NTM: variants seen among roughly 807,000 people sequenced by gnomAD.
The protein encoded by NTM is neurotrimin.
In NTM, 13 loss-of-function variants were observed where a neutral mutation model predicts 42.1. The observed-to-expected ratio is 0.31, with a 90% CI of 0.20 to 0.49. NTM has a LOEUF of 0.49. Among genes scored for constraint, NTM ranks in the 20% least tolerant of loss-of-function variants. The probability of loss-of-function intolerance (pLI) is 0.99; values close to 1 mark genes in which losing one functional copy is unlikely to be tolerated. For missense variants in NTM, 373 were observed against 452.8 expected, an observed-to-expected ratio of 0.82 and a Z score of 1.60; for synonymous variants, 187 against 179.2, an observed-to-expected ratio of 1.04 and a Z score of -0.35.
At chr11:132,025,782 C>T (rs1043556241) in intron 2 of NTM, among the ~76,000 whole-genome samples, 6 of 152,164 alleles carry the variant, frequency 3.9e-5, no homozygotes, top group African/African-American at 1.4e-4. Flanking sequence ...TCCTGAAGTT[C>T]TCTGTGAAAA....
At chr11:132,315,793 TTATC>T (rs1234081048) in intron 7 of NTM, among the ~76,000 whole-genome samples, 14 of 152,216 alleles carry the variant, frequency 9.2e-5, no homozygotes, top group African/African-American at 3.4e-4. Flanking sequence ...AATCCCAGCT[TTATC>T]TGAGAGAGCT....
At chr11:132,085,193 C>A (rs948761611) in intron 2 of NTM, among the ~76,000 whole-genome samples, 1 of 152,176 alleles carries the variant, frequency 6.6e-6, no homozygotes, top group Non-Finnish European at 1.5e-5. Context: ...TTCTTATAAT[C>A]TTTTACTAAA....
chr11:131,446,912 G>A (rs115078460), intron 1 of NTM, among the ~76,000 whole-genome samples: 5 of 152,204 alleles, frequency 3.3e-5, no homozygotes, highest in Non-Finnish European at 5.9e-5. Context: ...CCTTCACAGC[G>A]ATCAGAGGAG....
intron 1 of NTM, among the ~76,000 whole-genome samples, chr11:131,787,779 G>C (rs559038803): frequency 6.6e-6 from 1 of 152,308 alleles, no homozygotes; most frequent in East Asian, 1.9e-4. Flanking sequence ...TTGAACCTCA[G>C]CTGTGAACCC....
intron 1 of NTM, among the ~76,000 whole-genome samples, chr11:131,456,450 T>A (rs558830285): frequency 6.6e-6 from 1 of 152,064 alleles, no homozygotes; most frequent in Non-Finnish European, 1.5e-5. Flanking sequence ...GGGACTGCCC[T>A]CCCTCCTTCG....
intron 2 of NTM, among the ~76,000 whole-genome samples, chr11:132,096,072 G>T (rs1262405250): frequency 2.6e-5 from 4 of 152,198 alleles, no homozygotes; most frequent in African/African-American, 9.7e-5. Context: ...ACAGAGTGCA[G>T]TCAAGCCTCA....
In NTM at chr11:131,910,521, C is replaced by A. The variant is rs557669593; in HGVS notation, c.83-1043C>A. On this transcript the variant is annotated intron_variant, in intron 1 of 8. Coordinates refer to ENST00000683400, the MANE Select transcript of NTM (RefSeq NM_001352005.2). ...GAGAGCGCAGTCCGCGCCGCCAGCC[C>A]GCCCGCTCGCTCCGAGGCGGCACCG... is the stretch of plus-strand genomic sequence containing the variant. Among the ~76,000 whole-genome samples, 330 of 151,486 alleles carry A rather than the reference C, an allele frequency of 2.2e-3. 2 individuals are homozygous for A. The highest frequency in any genetic ancestry group is 7.5e-3 in the African/African-American group (312 of 41,488).
Position 131,457,723 on chromosome 11 carries a change from C to G in NTM, c.82+86835C>G, listed in dbSNP as rs562321098. Among the ~76,000 whole-genome samples, 7 of 151,878 alleles carry G rather than the reference C, an allele frequency of 4.6e-5. No individual in the cohort carries two copies. The South Asian group carries it at 1.5e-3, about 32-fold the overall frequency. ...CAATGCACTAAATGTTTTTGTCCTC[C>G]CCCCCCAAATTTATGTGTTAAAATT... On this transcript the variant is annotated intron_variant, in intron 1 of 8. Transcript: ENST00000683400.
At chr11:131,441,992 A>G (rs1404248139) in intron 1 of NTM, among the ~76,000 whole-genome samples, 1 of 152,198 alleles carries the variant, frequency 6.6e-6, no homozygotes, top group Non-Finnish European at 1.5e-5. Context: ...TATTTAGGTG[A>G]TTGATTAGAT....
intron 1 of NTM, among the ~76,000 whole-genome samples, chr11:131,810,504 G>A (rs1344804716): frequency 6.6e-6 from 1 of 152,172 alleles, no homozygotes; most frequent in African/African-American, 2.4e-5. Flanking sequence ...AGGGAGACTC[G>A]AGCAGCCAGA....
At chr11:131,671,451 G>T (rs2070214521) in intron 1 of NTM, 2 of 985,460 alleles carry the variant, frequency 2.0e-6, no homozygotes, top group Non-Finnish European at 2.4e-6. Context: ...GGCCTTGTCA[G>T]CTCTGGGCTT....
chr11:131,969,664 C>T (rs1057445031), intron 2 of NTM, among the ~76,000 whole-genome samples: 1 of 152,168 alleles, frequency 6.6e-6, no homozygotes, highest in South Asian at 2.1e-4. Context: ...AGATCTATCT[C>T]TTTGAAGTTC....
At position 131,370,860 on chromosome 11, in the gene NTM, G is replaced by C. The variant is rs903398053; in HGVS notation, c.54G>C (p.Thr18=). The part of the protein sequence containing the change: ...MHNSISWAIF[T]GLAALCLFQG... ...ATTCTATCTCTTGGGCAATCTTCACGGGGCTGGCTGCTCTGTGTCTCTTCC... is the reference window on the plus strand; with the variant it reads ...ATTCTATCTCTTGGGCAATCTTCACCGGGCTGGCTGCTCTGTGTCTCTTCC... Residue 18 remains threonine, a synonymous_variant, in exon 1 of 9, where the codon ACG becomes ACC. Coordinates refer to ENST00000683400, the MANE Select transcript of NTM (RefSeq NM_001352005.2). 3.7e-6 allele frequency: 6 copies of C among 1,613,994 alleles called. No homozygotes were observed. In the East Asian group the frequency reaches 6.7e-5, roughly 18 times the overall value.
chr11:131,422,211 G>GAACAT (rs1240546661), intron 1 of NTM, among the ~76,000 whole-genome samples: 1 of 31,728 alleles, frequency 3.2e-5, no homozygotes, highest in Non-Finnish European at 1.0e-4. Flanking sequence ...TCTGAGAACA[G>GAACAT]TCACATTTGA....
At chr11:131,498,775 G>A (rs1955619229) in intron 1 of NTM, among the ~76,000 whole-genome samples, 1 of 152,202 alleles carries the variant, frequency 6.6e-6, no homozygotes, top group Non-Finnish European at 1.5e-5. Context: ...AAGCTGCCAG[G>A]AGGGGGTGGC....
intron 1 of NTM, among the ~76,000 whole-genome samples, chr11:131,564,192 C>T (rs1320433315): frequency 1.3e-5 from 2 of 152,252 alleles, no homozygotes; most frequent in Non-Finnish European, 2.9e-5. Flanking sequence ...ACTGACTAAC[C>T]ATGAGGTCCT....
At chr11:131,374,593 C>T (rs758077027) in intron 1 of NTM, among the ~76,000 whole-genome samples, 9 of 152,144 alleles carry the variant, frequency 5.9e-5, no homozygotes, top group Non-Finnish European at 1.3e-4. Flanking sequence ...TCAGGTGTGT[C>T]TCTTGGTTCC....
At chr11:131,619,466 A>G (rs2062296762) in intron 1 of NTM, among the ~76,000 whole-genome samples, 1 of 152,224 alleles carries the variant, frequency 6.6e-6, no homozygotes, top group Non-Finnish European at 1.5e-5. Flanking sequence ...CTTTTGCAGT[A>G]GCTGAAGGTC....
Position 131,789,547 on chromosome 11 carries a change from AAAGAAGAAGAAG to A in NTM, c.83-121939_83-121928del, listed in dbSNP as rs71067336. On this transcript the variant is annotated intron_variant, in intron 1 of 8. Coordinates refer to ENST00000683400, the MANE Select transcript of NTM (RefSeq NM_001352005.2). ...AAGAAGAAGAAGAAGAAGAAGAAGA[AAAGAAGAAGAAG>A]AAGAAGAAGAAGAAGAAGAAGAAGA... Among the ~76,000 whole-genome samples the A allele has an allele frequency of 5.5e-3, 28 of 5,114 alleles. 1 individual carries two copies. Among genetic ancestry groups the A allele is most frequent in the Admixed American group, 8.7e-3 (3 of 344 alleles). The allele number at this position is 5,114 out of a possible 152,430, so 3.4% of individuals were successfully genotyped here.
Sources: gnomAD v4.1 joint callset for allele counts (sites outside exome capture counted in the v4.1 genomes callset) on GRCh38, gnomAD v4.1.1 for gene constraint, MANE v1.5 for transcripts, NCBI Gene and HGNC (gene_info 2026-07-23, HGNC 2026-07-21) for gene names.